The following MCF2L variants were observed in gnomAD, a reference collection of about 807,000 sequenced individuals.
MCF2L encodes guanine nucleotide exchange factor DBS.
A neutral mutation model predicts 153.4 loss-of-function variants in MCF2L; 97 were observed. That is an observed-to-expected ratio of 0.63 (90% CI 0.54 to 0.75). MCF2L has a LOEUF of 0.75. Among genes scored for constraint, MCF2L ranks in the 30% least tolerant of loss-of-function variants. The pLI is 0.00. For synonymous variants in MCF2L, 659 were observed against 632.2 expected, an observed-to-expected ratio of 1.04 and a Z score of -0.64; for missense variants, 1,347 against 1,495.2, an observed-to-expected ratio of 0.90 and a Z score of 1.64.
At chr13:112,896,349 A>T (rs924688717) in intron 1 of MCF2L, among the ~76,000 whole-genome samples, 1 of 151,710 alleles carries the variant, frequency 6.6e-6, no homozygotes, top group Non-Finnish European at 1.5e-5. Context: ...TGCTGTGGAG[A>T]TGCACCCTTG....
intron 1 of MCF2L, among the ~76,000 whole-genome samples, chr13:112,996,553 G>T (rs2083141230): frequency 1.3e-5 from 2 of 152,214 alleles, no homozygotes; most frequent in Non-Finnish European, 2.9e-5. Flanking sequence ...TGGGGAAATG[G>T]TGTTCCAGAG....
chr13:112,916,387 G>C (rs964592639), intron 2 of MCF2L, among the ~76,000 whole-genome samples: 2 of 152,136 alleles, frequency 1.3e-5, no homozygotes, highest in African/African-American at 4.8e-5. Context: ...TCTACTTCTT[G>C]TCCTTTTCTT....
chr13:113,062,915 G>T (rs2031753188), intron 5 of MCF2L, among the ~76,000 whole-genome samples: 1 of 152,216 alleles, frequency 6.6e-6, no homozygotes, highest in Non-Finnish European at 1.5e-5. Flanking sequence ...GGAACTGCCA[G>T]CCACTCTCCC....
intron 27 of MCF2L, chr13:113,095,813 A>G (rs2035598805): frequency 3.0e-6 from 3 of 994,928 alleles, no homozygotes; most frequent in South Asian, 4.4e-5. Flanking sequence ...CCATTCCCCA[A>G]CGGAACGTGT....
chr13:112,922,828 C>T (rs746708781), intron 2 of MCF2L, among the ~76,000 whole-genome samples: 1 of 152,228 alleles, frequency 6.6e-6, no homozygotes, highest in African/African-American at 2.4e-5. Flanking sequence ...GAGCAAGACT[C>T]CATCTCTACA....
chr13:113,086,285 T>C (rs375090919), intron 21 of MCF2L, 36 bp downstream of exon 21: 100 of 1,603,412 alleles, frequency 6.2e-5, no homozygotes, highest in Non-Finnish European at 7.7e-5. Flanking sequence ...CCCCGCCGCC[T>C]CCGTGGAATA....
rs767621571 is a variant in MCF2L at position 113,070,068 on chromosome 13, C to T, written c.891C>T (p.Ala297=). The change falls in exon 9 of 30, where the codon GCC becomes GCT. Residue 297 remains alanine (A), a synonymous_variant. Transcript: ENST00000535094. The surrounding 1 kb of genome is among the most constrained non-coding windows in gnomAD (Gnocchi z 5.6). ...TCCTCCTCTTTCCCAGGCTCCTGGC[C>T]CAGCTGAACGAAACCGAGGCTGCCT... is the stretch of plus-strand genomic sequence containing the variant. ...DNQATVQRLL[A]QLNETEAAFD... is the part of the protein sequence containing the mutation. The T allele has an allele frequency of 6.2e-7, 1 of 1,608,896 alleles. No individual in the cohort carries two copies. Among genetic ancestry groups the T allele is most frequent in the Non-Finnish European group, 8.5e-7 (1 of 1,178,094 alleles).
chr13:112,905,246 G>T (rs928892043), intron 2 of MCF2L, among the ~76,000 whole-genome samples: 1 of 152,188 alleles, frequency 6.6e-6, no homozygotes, highest in African/African-American at 2.4e-5. Context: ...TATCCCTAAC[G>T]CAGCCAGTCC....
chr13:113,076,152 C>G lies in MCF2L; in HGVS notation c.1495C>G (p.Leu499Val), dbSNP rs139393934. 1 of 1,611,142 alleles carries G rather than the reference C, an allele frequency of 6.2e-7. No homozygotes were observed. Among genetic ancestry groups the G allele is most frequent in the Non-Finnish European group, 8.5e-7 (1 of 1,178,276 alleles). ...KEYESILNQD[L>V]MEHVRKVFQK... ...ATACGAATCCATCCTCAACCAAGAT[C>G]TCATGGTAACGCTGACTCGGGCTCT... Residue 499 changes from leucine to valine, a missense_variant, in exon 12 of 30, where the codon CTC becomes GTC. Leu to Val is a conservative substitution (Grantham distance 32). This residue lies in a region of MCF2L where 820 missense variants were observed against 921.2 expected (regional missense o/e 0.89). Transcript: ENST00000535094.
chr13:113,094,580 A>T lies in MCF2L; in HGVS notation c.3020A>T (p.Glu1007Val). 6.2e-7 allele frequency: 1 copy of T among 1,612,572 alleles called. No individual in the cohort carries two copies. The highest frequency in any genetic ancestry group is 1.1e-5 in the South Asian group (1 of 91,056). ...GACGGGGGCTGGTCAAGTGCAGAGG[A>T]GCAGATTAACTCGTCCGACGCAGAG... ...EDDGGWSSAEEQINSSDAEED... is the reference protein window; with the variant it reads ...EDDGGWSSAEVQINSSDAEED... Residue 1007 changes from glutamate (E) to valine (V), a missense_variant, in exon 27 of 30, where the codon GAG (glutamate) becomes GTG (valine). Physicochemically the swap from Glu to Val is moderately radical, Grantham distance 121 (BLOSUM62 -2). Transcript: ENST00000535094.
intron 2 of MCF2L, among the ~76,000 whole-genome samples, chr13:112,914,237 A>G (rs2081266556): frequency 6.6e-6 from 1 of 152,112 alleles, no homozygotes; most frequent in African/African-American, 2.4e-5. Context: ...GCCATGTGCG[A>G]GCTGAGACAC....
chr13:112,935,092 T>C (rs556089661), intron 2 of MCF2L, among the ~76,000 whole-genome samples: 1 of 152,352 alleles, frequency 6.6e-6, no homozygotes, highest in African/African-American at 2.4e-5. Flanking sequence ...GCACTGCCAA[T>C]GTATGTAATC....
intron 2 of MCF2L, among the ~76,000 whole-genome samples, chr13:112,938,304 T>C (rs898340278): frequency 6.7e-6 from 1 of 148,796 alleles, no homozygotes; most frequent in Non-Finnish European, 1.5e-5. Context: ...TCAGGTGAGC[T>C]CTGAGTGGTT....
In MCF2L at chr13:113,070,560, G is replaced by A. The variant is rs929548878; in HGVS notation, c.996+387G>A. Reference sequence around the variant, plus strand: ...GCGTCACAGTCATGAGGTGCACAGCGACACGGCCAGTGCAGCCAGACCCAG... The same window carrying A: ...GCGTCACAGTCATGAGGTGCACAGCAACACGGCCAGTGCAGCCAGACCCAG... On this transcript the variant is annotated intron_variant, in intron 9 of 29. Coordinates refer to ENST00000535094, the MANE Select transcript of MCF2L (RefSeq NM_001112732.3). This position sits in a 1 kb window ranked among gnomAD's most constrained non-coding sequence, Gnocchi z 5.6. 2.0e-5 allele frequency among the ~76,000 whole-genome samples: 3 copies of A among 152,308 alleles called. No homozygotes were observed. Among genetic ancestry groups the A allele is most frequent in the African/African-American group, 7.2e-5 (3 of 41,556 alleles).
chr13:112,939,287 C>T (rs1215427797), intron 2 of MCF2L, among the ~76,000 whole-genome samples: 1 of 152,172 alleles, frequency 6.6e-6, no homozygotes, highest in Non-Finnish European at 1.5e-5. Flanking sequence ...ACATCTGGGG[C>T]TGGGTGGCTC....
intron 2 of MCF2L, among the ~76,000 whole-genome samples, chr13:112,915,410 C>CAAATAAAAAAAAAAAAAAAAA (rs2081281434): frequency 1.2e-5 from 1 of 86,924 alleles, no homozygotes. Context: ...CTCTGTCTCA[C>CAAATAAAAAAAAAAAAAAAAA]AAAAAAAAAA....
At chr13:112,949,177 C>G (rs946259883) in intron 2 of MCF2L, among the ~76,000 whole-genome samples, 1 of 152,220 alleles carries the variant, frequency 6.6e-6, no homozygotes, top group Non-Finnish European at 1.5e-5. Context: ...TTAAAAAGCA[C>G]AAACTACCAC....
At chr13:113,013,673 T>TC (rs2084318100) in intron 1 of MCF2L, among the ~76,000 whole-genome samples, 1 of 152,232 alleles carries the variant, frequency 6.6e-6, no homozygotes, top group Non-Finnish European at 1.5e-5. Flanking sequence ...AAATTGAGCG[T>TC]TTAAGCCATT....
In MCF2L at chr13:112,993,669, C is replaced by T. The variant is rs897093956; in HGVS notation, c.80-21094C>T. Among the ~76,000 whole-genome samples the T allele has an allele frequency of 3.9e-5, 6 of 152,058 alleles. No homozygotes were observed. The highest frequency in any genetic ancestry group is 1.2e-4 in the African/African-American group (5 of 41,400). The stretch of plus-strand genomic sequence containing the variant: ...GTCATCGTCAATGGCCCCACGATGT[C>T]AGGCTTGGAATTTGGGGTGGACGGT... On this transcript the variant is annotated intron_variant, in intron 1 of 29. Coordinates refer to ENST00000535094, the MANE Select transcript of MCF2L (RefSeq NM_001112732.3). This position sits in a 1 kb window ranked among gnomAD's most constrained non-coding sequence, Gnocchi z 4.6.
Sources: allele counts gnomAD v4.1 joint callset (sites outside exome capture counted in the v4.1 genomes callset), GRCh38; gene constraint gnomAD v4.1.1; regional missense constraint gnomAD v4.1.1; non-coding constraint Gnocchi (gnomAD v3.1); transcripts MANE v1.5; gene names NCBI Gene and HGNC (gene_info 2026-07-23, HGNC 2026-07-21).